RPH3A: variants seen among roughly 807,000 people sequenced by gnomAD.
RPH3A encodes the protein rabphilin-3A.
In RPH3A, 48 loss-of-function variants were observed where a neutral mutation model predicts 102.2. The ratio of observed to expected loss-of-function variants is 0.47; its 90% CI spans 0.37 to 0.60. The LOEUF (loss-of-function observed/expected upper bound fraction) is 0.60. Among genes scored for constraint, RPH3A ranks in the 20% least tolerant of loss-of-function variants. The pLI is 0.00. For missense variants in RPH3A, 781 were observed against 910.1 expected (o/e 0.86, Z 1.83); for synonymous variants, 310 against 324.3 (o/e 0.96, Z 0.47).
intron 1 of RPH3A, among the ~76,000 whole-genome samples, chr12:112,675,635 AGTTT>A (rs919154805): frequency 1.3e-5 from 2 of 152,094 alleles, no homozygotes; most frequent in African/African-American, 4.8e-5. Context: ...AGAGGGCAAA[AGTTT>A]GTTTGGGAAG....
chr12:112,713,289 C>G (rs1166583469), intron 1 of RPH3A, among the ~76,000 whole-genome samples: 2 of 151,730 alleles, frequency 1.3e-5, no homozygotes, highest in African/African-American at 4.8e-5. Context: ...TTGCACATTT[C>G]TTTATTTAAA....
At position 112,898,547 on chromosome 12, in the gene RPH3A, G is replaced by C. The variant is rs2043223786; in HGVS notation, c.*1767G>C. Reference sequence around the variant, plus strand: ...ACATCGAGCTCTTCACCTTCCCCAAGGTGGCCAACAGCTTCCTGGCTGCCA... The same window carrying C: ...ACATCGAGCTCTTCACCTTCCCCAACGTGGCCAACAGCTTCCTGGCTGCCA... On this transcript the variant is annotated 3_prime_UTR_variant, in exon 22 of 22. Coordinates refer to ENST00000389385, the MANE Select transcript of RPH3A (RefSeq NM_001143854.2). 6.6e-6 allele frequency: 1 copy of C among 152,364 alleles called. No individual in the cohort carries two copies. Among genetic ancestry groups the C allele is most frequent in the Non-Finnish European group, 1.5e-5 (1 of 68,172 alleles). The allele number at this position is 152,364 out of a possible 1,614,324, so 9.4% of individuals were successfully genotyped here.
At chr12:112,829,183 G>T (rs2041927963) in intron 3 of RPH3A, among the ~76,000 whole-genome samples, 1 of 152,096 alleles carries the variant, frequency 6.6e-6, no homozygotes, top group Non-Finnish European at 1.5e-5. Flanking sequence ...TTAAATTCTG[G>T]GTAGGACAGT....
intron 1 of RPH3A, chr12:112,695,320 T>C (rs144286612): frequency 1.4e-3 from 234 of 163,978 alleles, no homozygotes; most frequent in African/African-American, 5.4e-3. Context: ...CGCTTTCATT[T>C]TGGAACTTCA....
chr12:112,664,688 G>A (rs1268875877), intron 1 of RPH3A, among the ~76,000 whole-genome samples: 2 of 152,086 alleles, frequency 1.3e-5, no homozygotes, highest in African/African-American at 2.4e-5. Flanking sequence ...TGAATGGAAG[G>A]TAGCAAGAGA....
At chr12:112,877,895 G>A (rs1293227128) in intron 13 of RPH3A, among the ~76,000 whole-genome samples, 1 of 152,220 alleles carries the variant, frequency 6.6e-6, no homozygotes, top group Non-Finnish European at 1.5e-5. Flanking sequence ...AGTGTATTCT[G>A]TGCATTTGCC....
chr12:112,578,030 G>T (rs1317228222), intron 1 of RPH3A, among the ~76,000 whole-genome samples: 2 of 152,192 alleles, frequency 1.3e-5, no homozygotes, highest in Non-Finnish European at 2.9e-5. Context: ...TCCCCTCTGA[G>T]TTATAATGGA....
chr12:112,719,665 C>T (rs28484659), intron 1 of RPH3A, among the ~76,000 whole-genome samples: 4 of 138,558 alleles, frequency 2.9e-5, no homozygotes, highest in Non-Finnish European at 6.1e-5. Flanking sequence ...CTAACAGCCT[C>T]TTTGGGATAG....
intron 17 of RPH3A, 115 bp downstream of exon 17, chr12:112,888,038 T>A: frequency 8.4e-7 from 1 of 1,196,506 alleles, no homozygotes; most frequent in Non-Finnish European, 1.2e-6. Context: ...GCAGAGGCAC[T>A]GCAGCAGGTC....
chr12:112,652,524 T>C (rs956021671), intron 1 of RPH3A, among the ~76,000 whole-genome samples: 1 of 152,088 alleles, frequency 6.6e-6, no homozygotes, highest in African/African-American at 2.4e-5. Flanking sequence ...CTAATAACCA[T>C]GGGGCCAGTG....
rs2043187634 is a variant in RPH3A at position 112,896,878 on chromosome 12, C to T, written c.*98C>T. 8.7e-6 allele frequency: 12 copies of T among 1,374,958 alleles called. No individual in the cohort carries two copies. Among genetic ancestry groups the T allele is most frequent in the South Asian group, 2.6e-5 (2 of 77,062 alleles). The allele number at this position is 1,374,958 out of a possible 1,614,324, so 85.2% of individuals were successfully genotyped here. A position where few individuals can be genotyped will look rare whatever the true frequency, so the allele number is the denominator to read the frequency against. On this transcript the variant is annotated 3_prime_UTR_variant, in exon 22 of 22. Transcript: ENST00000389385. ...TCTCTCTTCTCTATGCCTACCTCCCCCCATACCCTGCTGATCTCCCTGAGC... is the reference window on the plus strand; with the variant it reads ...TCTCTCTTCTCTATGCCTACCTCCCTCCATACCCTGCTGATCTCCCTGAGC...
Position 112,686,862 on chromosome 12 carries a change from T to A in RPH3A, c.-139-105281T>A, listed in dbSNP as rs115843251. On this transcript the variant is annotated intron_variant, in intron 1 of 21. Coordinates refer to the RPH3A transcript ENST00000543106. ...ATTATAAAGGGATGGCTGGGTGCAG[T>A]GGCTCACGCCTGTAATCCTAGTGCT... 6.9e-3 allele frequency among the ~76,000 whole-genome samples: 1,045 copies of A among 152,366 alleles called. 13 individuals carry two copies. Among genetic ancestry groups the A allele is most frequent in the African/African-American group, 0.024 (979 of 41,578 alleles).
intron 1 of RPH3A, among the ~76,000 whole-genome samples, chr12:112,598,759 C>T (rs2039536587): frequency 6.6e-6 from 1 of 152,150 alleles, no homozygotes; most frequent in South Asian, 2.1e-4. Context: ...GCAGCAGCAA[C>T]TACTATTTCT....
intron 1 of RPH3A, among the ~76,000 whole-genome samples, chr12:112,713,064 CTTCTT>C (rs2040489144): frequency 8.9e-6 from 1 of 111,952 alleles, no homozygotes; most frequent in Non-Finnish European, 1.9e-5. Context: ...TCTTCTTCTT[CTTCTT>C]CTTCTTCTTC....
intron 1 of RPH3A, among the ~76,000 whole-genome samples, chr12:112,772,978 T>A (rs940622341): frequency 1.3e-5 from 2 of 152,094 alleles, no homozygotes; most frequent in African/African-American, 2.4e-5. Flanking sequence ...AGTGAGAACA[T>A]ATGATGTTTG....
chr12:112,749,300 G>T (rs989205592), intron 1 of RPH3A, among the ~76,000 whole-genome samples: 1 of 152,164 alleles, frequency 6.6e-6, no homozygotes, highest in Non-Finnish European at 1.5e-5. Context: ...TGGGATGTGG[G>T]CAGACAATGT....
At chr12:112,627,075 G>A (rs1179076575) in intron 1 of RPH3A, among the ~76,000 whole-genome samples, 3 of 112,994 alleles carry the variant, frequency 2.7e-5, no homozygotes, top group African/African-American at 1.0e-4. Flanking sequence ...GGGGGGAGGG[G>A]GGAGGGATAG....
intron 1 of RPH3A, among the ~76,000 whole-genome samples, chr12:112,598,362 C>T (rs1372288690): frequency 1.3e-5 from 2 of 152,142 alleles, no homozygotes; most frequent in Non-Finnish European, 1.5e-5. Flanking sequence ...TTAGGGACAT[C>T]AGTAGTGTGG....
intron 1 of RPH3A, among the ~76,000 whole-genome samples, chr12:112,716,304 C>T (rs1038842086): frequency 3.3e-5 from 5 of 152,142 alleles, no homozygotes; most frequent in African/African-American, 1.2e-4. Flanking sequence ...GATGGAGTCA[C>T]TCTGGTTTGA....
Sources: allele counts gnomAD v4.1 joint callset (sites outside exome capture counted in the v4.1 genomes callset), GRCh38; gene constraint gnomAD v4.1.1; transcripts MANE v1.5; gene names NCBI Gene and HGNC (gene_info 2026-07-23, HGNC 2026-07-21).